The following PPP1R12A variants were observed in gnomAD, a reference collection of about 807,000 sequenced individuals.
PPP1R12A encodes protein phosphatase 1 regulatory subunit 12A.
Under a neutral mutation model 139.6 loss-of-function variants are expected in PPP1R12A, and 19 were observed. That is an observed-to-expected ratio of 0.14 (90% CI 0.09 to 0.20). The LOEUF is 0.20. Ranked by LOEUF, PPP1R12A falls within the 10% of genes least tolerant of loss-of-function variation. The probability of loss-of-function intolerance (pLI) is 1.00; values close to 1 mark genes in which losing one functional copy is unlikely to be tolerated. For synonymous variants in PPP1R12A, 427 were observed against 420.6 expected (o/e 1.02, Z -0.19); for missense variants, 925 against 1,211.5 (o/e 0.76, Z 3.51).
chr12:79,818,281 T>C (rs1875651669), intron 8 of PPP1R12A, among the ~76,000 whole-genome samples: 2 of 152,180 alleles, frequency 1.3e-5, no homozygotes, highest in South Asian at 4.1e-4. Flanking sequence ...TCTTGTTCTG[T>C]TGCCCAGGTT....
intron 1 of PPP1R12A, among the ~76,000 whole-genome samples, chr12:79,897,099 G>A (rs746222538): frequency 6.6e-6 from 1 of 152,076 alleles, no homozygotes; most frequent in Non-Finnish European, 1.5e-5. Flanking sequence ...CCATTGCTGC[G>A]CCATGCACAA....
chr12:79,774,274 T>TA lies in PPP1R12A; in HGVS notation c.*1654dup, dbSNP rs1465351624. 6.6e-6 allele frequency: 1 copy of TA among 152,424 alleles called. No homozygotes were observed. The highest frequency in any genetic ancestry group is 2.4e-5 in the African/African-American group (1 of 41,448). The allele number at this position is 152,424 out of a possible 1,614,324, so 9.4% of individuals were successfully genotyped here. A position where few individuals can be genotyped will look rare whatever the true frequency, so the allele number is the denominator to read the frequency against. On this transcript the variant is annotated 3_prime_UTR_variant, in exon 25 of 25. Coordinates refer to ENST00000450142, the MANE Select transcript of PPP1R12A (RefSeq NM_002480.3). ...AATCCTGAGCTTGGTAGTAAGAGCA[T>TA]AACCTTATATCTTCATAAAACCAAT...
At chr12:79,805,551 G>C in intron 14 of PPP1R12A, 41 bp downstream of exon 14, 2 of 1,575,166 alleles carry the variant, frequency 1.3e-6, no homozygotes, top group Non-Finnish European at 8.7e-7. Flanking sequence ...TTTCATCACT[G>C]GGCAAGATAT....
chr12:79,821,214 T>C (rs1376324405), intron 6 of PPP1R12A, 48 bp from the exon 7 acceptor site: 1 of 1,304,446 alleles, frequency 7.7e-7, no homozygotes. Flanking sequence ...ATTAAGATAC[T>C]ATTACTAAGA....
At chr12:79,910,057 A>C (rs577385815) in intron 1 of PPP1R12A, among the ~76,000 whole-genome samples, 1 of 152,280 alleles carries the variant, frequency 6.6e-6, no homozygotes, top group African/African-American at 2.4e-5. Flanking sequence ...CTGACAACAA[A>C]TAACATTTAT....
At chr12:79,801,345 C>CAAAAAAAAAAAAAAAAAAAAAAA (rs201977462) in intron 14 of PPP1R12A, among the ~76,000 whole-genome samples, 1 of 20,156 alleles carries the variant, frequency 5.0e-5, no homozygotes, top group African/African-American at 1.3e-4. Flanking sequence ...AACTCTGTCT[C>CAAAAAAAAAAAAAAAAAAAAAAA]AAAAAAAAAA....
intron 2 of PPP1R12A, among the ~76,000 whole-genome samples, chr12:79,855,874 T>C (rs1215106187): frequency 6.6e-6 from 1 of 152,094 alleles, no homozygotes; most frequent in Non-Finnish European, 1.5e-5. Context: ...TGGGAAGTAG[T>C]ACATTTTTAT....
At position 79,879,298 on chromosome 12, in the gene PPP1R12A, C is replaced by T. The variant is rs527903335; in HGVS notation, c.238-6360G>A. Among the ~76,000 whole-genome samples the T allele has an allele frequency of 3.5e-4, 53 of 151,932 alleles. No homozygotes were observed. In the South Asian group the frequency reaches 0.011, roughly 30 times the overall value. On this transcript the variant is annotated intron_variant, in intron 1 of 24. Transcript: ENST00000450142. The stretch of plus-strand genomic sequence containing the variant: ...ATGAGAATCGCTTGAACCTGGGAGG[C>T]GGAGGTTGCAGTGAGCCAAGATCAC...
intron 5 of PPP1R12A, among the ~76,000 whole-genome samples, chr12:79,827,371 A>G (rs1368191477): frequency 1.3e-5 from 2 of 152,178 alleles, no homozygotes; most frequent in Non-Finnish European, 2.9e-5. Context: ...CTCCAAAAAC[A>G]GCAAAAGAAT....
chr12:79,802,215 A>G (rs1873272356), intron 14 of PPP1R12A, among the ~76,000 whole-genome samples: 1 of 152,192 alleles, frequency 6.6e-6, no homozygotes, highest in African/African-American at 2.4e-5. Flanking sequence ...GATATAACCT[A>G]TATTAACTTG....
At chr12:79,850,157 A>T (rs1409649984) in intron 2 of PPP1R12A, among the ~76,000 whole-genome samples, 4 of 152,206 alleles carry the variant, frequency 2.6e-5, no homozygotes, top group Non-Finnish European at 5.9e-5. Flanking sequence ...GTAATCTGAC[A>T]GATTTAATTG....
At chr12:79,850,069 C>T (rs1426455518) in intron 2 of PPP1R12A, among the ~76,000 whole-genome samples, 1 of 152,094 alleles carries the variant, frequency 6.6e-6, no homozygotes, top group Non-Finnish European at 1.5e-5. Flanking sequence ...ATTATGCAAT[C>T]CTCCCACCTT....
intron 1 of PPP1R12A, among the ~76,000 whole-genome samples, chr12:79,929,145 C>A (rs1187563985): frequency 6.6e-6 from 1 of 152,152 alleles, no homozygotes; most frequent in Non-Finnish European, 1.5e-5. Flanking sequence ...GAGCACACAA[C>A]CTAGATACCT....
chr12:79,822,263 A>G (rs1485392359), intron 5 of PPP1R12A, 73 bp from the exon 6 acceptor site: 5 of 1,044,818 alleles, frequency 4.8e-6, no homozygotes, highest in African/African-American at 3.2e-5. Context: ...GTAATTCTGT[A>G]TAATTTTATA....
intron 20 of PPP1R12A, 66 bp downstream of exon 20, chr12:79,790,401 G>A (rs1592616896): frequency 9.2e-7 from 1 of 1,082,970 alleles, no homozygotes; most frequent in Non-Finnish European, 1.3e-6. Context: ...TAAATTCCTA[G>A]CAACACATTT....
At chr12:79,880,693 C>T (rs1883557558) in intron 1 of PPP1R12A, among the ~76,000 whole-genome samples, 1 of 152,096 alleles carries the variant, frequency 6.6e-6, no homozygotes, top group African/African-American at 2.4e-5. Flanking sequence ...AGAAAGGTCA[C>T]AGAAGCAATA....
At chr12:79,814,780 A>G (rs1272607235) in intron 9 of PPP1R12A, among the ~76,000 whole-genome samples, 2 of 118,312 alleles carry the variant, frequency 1.7e-5, no homozygotes, top group Admixed American at 2.4e-4. Context: ...GCGCCACTGC[A>G]CCCCAGCCTG....
intron 1 of PPP1R12A, among the ~76,000 whole-genome samples, chr12:79,924,941 T>A (rs1887717303): frequency 6.6e-6 from 1 of 152,168 alleles, no homozygotes; most frequent in Non-Finnish European, 1.5e-5. Flanking sequence ...AATAAGCTTT[T>A]TAGAAAATAT....
intron 9 of PPP1R12A, among the ~76,000 whole-genome samples, chr12:79,811,088 C>CT (rs1592650121): frequency 2.6e-5 from 4 of 152,118 alleles, no homozygotes; most frequent in Admixed American, 2.6e-4. Context: ...CCACAGTTAA[C>CT]TATATAGATT....
Sources: allele counts gnomAD v4.1 joint callset (sites outside exome capture counted in the v4.1 genomes callset), GRCh38; gene constraint gnomAD v4.1.1; transcripts MANE v1.5; gene names NCBI Gene and HGNC (gene_info 2026-07-23, HGNC 2026-07-21).